SLC39A8: variants seen among roughly 807,000 people sequenced by gnomAD.
SLC39A8 encodes metal cation symporter ZIP8.
A neutral mutation model predicts 40.4 loss-of-function variants in SLC39A8; 15 were observed. The observed-to-expected ratio is 0.37, with a 90% CI of 0.25 to 0.57. The LOEUF is 0.57. SLC39A8 is among the 20% of genes least tolerant of loss of function. SLC39A8 has a pLI of 0.75. For synonymous variants in SLC39A8, 223 were observed against 221.6 expected (o/e 1.01, Z -0.06); for missense variants, 472 against 558.8 (o/e 0.84, Z 1.57).
At position 102,342,360 on chromosome 4, in the gene SLC39A8, G is replaced by A. The variant is rs1735978792; in HGVS notation, c.219+2084C>T. On this transcript the variant is annotated intron_variant, in intron 2 of 8. Coordinates refer to ENST00000356736, the MANE Select transcript of SLC39A8 (RefSeq NM_001135146.2). ...TACTAAAAATACAAATTAGCCCGGT[G>A]TGGTGGCACACGCCTGTAATCCCAG... Among the ~76,000 whole-genome samples the A allele has an allele frequency of 2.0e-5, 3 of 152,174 alleles. No homozygotes were observed. The South Asian group carries it at 6.2e-4, about 32-fold the overall frequency.
At chr4:102,255,401 C>T (rs1054004463) in intron 11 of SLC39A8, among the ~76,000 whole-genome samples, 1 of 152,172 alleles carries the variant, frequency 6.6e-6, no homozygotes, top group Non-Finnish European at 1.5e-5. Context: ...CCAAAGACAA[C>T]ACAACTCTCT....
At chr4:102,303,744 A>AGAACTAG (rs1734014033) in intron 6 of SLC39A8, among the ~76,000 whole-genome samples, 1 of 151,730 alleles carries the variant, frequency 6.6e-6, no homozygotes, top group African/African-American at 2.4e-5. Context: ...GTTCTAATAC[A>AGAACTAG]TAAGAAATAA....
chr4:102,254,509 T>G (rs1731666062), intron 11 of SLC39A8, among the ~76,000 whole-genome samples: 1 of 152,234 alleles, frequency 6.6e-6, no homozygotes, highest in South Asian at 2.1e-4. Flanking sequence ...TGGAAGAAAG[T>G]GAAATATAAT....
At chr4:102,297,041 A>G (rs1179727567) in intron 6 of SLC39A8, among the ~76,000 whole-genome samples, 1 of 152,146 alleles carries the variant, frequency 6.6e-6, no homozygotes, top group Non-Finnish European at 1.5e-5. Flanking sequence ...TGAGGTTACA[A>G]TGACCCTGTC....
chr4:102,290,407 T>C (rs1297331679), intron 6 of SLC39A8, among the ~76,000 whole-genome samples: 1 of 152,150 alleles, frequency 6.6e-6, no homozygotes, highest in African/African-American at 2.4e-5. Context: ...ACACCGACTA[T>C]GGTTCAGAGA....
chr4:102,324,899 C>T (rs1438249587), intron 2 of SLC39A8, among the ~76,000 whole-genome samples: 1 of 152,130 alleles, frequency 6.6e-6, no homozygotes, highest in South Asian at 2.1e-4. Flanking sequence ...CCTTTTAGGG[C>T]TCACTGAACA....
In SLC39A8 at chr4:102,315,846, CAA is replaced by C; in HGVS notation, c.220-18_220-17del. 6 of 1,377,978 alleles carry C rather than the reference CAA, an allele frequency of 4.4e-6. No individual in the cohort carries two copies. The highest frequency in any genetic ancestry group is 2.7e-5 in the East Asian group (1 of 37,374). 85.4% of individuals were successfully genotyped at this position (1,377,978 alleles called of 1,614,324 possible). On this transcript the variant is annotated splice_polypyrimidine_tract_variant and intron_variant, in intron 2 of 8. Transcript: ENST00000356736. ...CAGTTAAACACTGAAATAGAATAAA[CAA>C]AAAAAAAATGTGATAATAATGTGTA...
intron 6 of SLC39A8, among the ~76,000 whole-genome samples, chr4:102,275,175 A>G (rs2149010803): frequency 6.6e-6 from 1 of 152,340 alleles, no homozygotes; most frequent in East Asian, 1.9e-4. Context: ...TAAAGAGTCA[A>G]GACCGATCAG....
At chr4:102,296,545 C>T (rs73834730) in intron 6 of SLC39A8, among the ~76,000 whole-genome samples, 6 of 152,200 alleles carry the variant, frequency 3.9e-5, no homozygotes, top group African/African-American at 1.4e-4. Flanking sequence ...AATTATTTCA[C>T]TTTCACAAAA....
chr4:102,262,779 A>C lies in SLC39A8; in HGVS notation c.*265T>G. The C allele has an allele frequency of 8.5e-7, 1 of 1,170,820 alleles. No individual in the cohort carries two copies. The allele number at this position is 1,170,820 out of a possible 1,614,324, so 72.5% of individuals were successfully genotyped here. A position where few individuals can be genotyped will look rare whatever the true frequency, so the allele number is the denominator to read the frequency against. On this transcript the variant is annotated 3_prime_UTR_variant, in exon 9 of 9. Coordinates refer to ENST00000356736, the MANE Select transcript of SLC39A8 (RefSeq NM_001135146.2). ...TGTCTCTTGCTTCATGGTGATATCT[A>C]ATATGCATGGAATACTGAAAAATAG...
At chr4:102,315,607 C>A in intron 3 of SLC39A8, 61 bp downstream of exon 3, 1 of 1,451,664 alleles carries the variant, frequency 6.9e-7, no homozygotes, top group Non-Finnish European at 9.2e-7. Flanking sequence ...GGCATATTAA[C>A]TTCATTTCAC....
chr4:102,342,852 C>G (rs998975199), intron 2 of SLC39A8, among the ~76,000 whole-genome samples: 2 of 152,142 alleles, frequency 1.3e-5, no homozygotes, highest in African/African-American at 2.4e-5. Flanking sequence ...CCTCCAGACA[C>G]TGCAAGATAA....
intron 2 of SLC39A8, among the ~76,000 whole-genome samples, chr4:102,336,130 CT>C: frequency 6.6e-6 from 1 of 152,118 alleles, no homozygotes; most frequent in East Asian, 1.9e-4. Context: ...AGTCTTATAT[CT>C]TTATTGAGTT....
chr4:102,281,909 A>G (rs923646699), intron 6 of SLC39A8, among the ~76,000 whole-genome samples: 3 of 152,220 alleles, frequency 2.0e-5, no homozygotes, highest in African/African-American at 7.2e-5. Context: ...ACACCACTGG[A>G]GCACAGAGCA....
At chr4:102,330,309 A>G (rs1735395052) in intron 2 of SLC39A8, among the ~76,000 whole-genome samples, 1 of 152,222 alleles carries the variant, frequency 6.6e-6, no homozygotes, top group Non-Finnish European at 1.5e-5. Context: ...GAGAAGAATC[A>G]AAAGGACATA....
At chr4:102,335,928 C>T (rs1039031464) in intron 2 of SLC39A8, among the ~76,000 whole-genome samples, 57 of 152,078 alleles carry the variant, frequency 3.7e-4, no homozygotes, top group Non-Finnish European at 6.5e-4. Flanking sequence ...AGTTGACAGA[C>T]GCTTGGGTGT....
In SLC39A8 at chr4:102,344,584, G is replaced by T. The variant is rs1461760592; in HGVS notation, c.79C>A (p.Leu27Ile). The change falls in exon 2 of 9, where the codon CTA becomes ATA. Residue 27 changes from leucine to isoleucine, a missense_variant. This residue lies in a region of SLC39A8 where 175 missense variants were observed against 160.5 expected (regional missense o/e 1.09). Transcript: ENST00000356736. The part of the protein sequence containing the change: ...GLGGVAEGPG[L>I]AFSEDVLSVF... ...CTCAGCACATCCTCGCTGAAGGCTA[G>T]CCCTGGCCCCTCCGCCACTCCTCCG... 35 of 1,546,714 alleles carry T rather than the reference G, an allele frequency of 2.3e-5. 1 individual carries two copies. In the East Asian group the frequency reaches 8.4e-4, roughly 37 times the overall value.
chr4:102,317,243 A>T (rs572789188), intron 2 of SLC39A8, among the ~76,000 whole-genome samples: 7 of 152,310 alleles, frequency 4.6e-5, no homozygotes, highest in African/African-American at 1.7e-4. Context: ...ACTACTGTTT[A>T]TAAAGGAAAA....
intron 2 of SLC39A8, among the ~76,000 whole-genome samples, chr4:102,322,445 C>A (rs1243296268): frequency 6.6e-6 from 1 of 152,124 alleles, no homozygotes; most frequent in Non-Finnish European, 1.5e-5. Context: ...TTAAAAGTCA[C>A]TTTTAAAAGC....
Sources: allele counts gnomAD v4.1 joint callset (sites outside exome capture counted in the v4.1 genomes callset), GRCh38; gene constraint gnomAD v4.1.1; regional missense constraint gnomAD v4.1.1; transcripts MANE v1.5; gene names NCBI Gene and HGNC (gene_info 2026-07-23, HGNC 2026-07-21).